The following CNTNAP2 variants were observed in gnomAD, a reference collection of about 807,000 sequenced individuals.
The protein encoded by CNTNAP2 is contactin associated protein 2, also known as contactin-associated protein-like 2.
CNTNAP2 carries 98 observed loss-of-function variants against 155.2 expected under a neutral mutation model. The ratio of observed to expected loss-of-function variants is 0.63; its 90% CI spans 0.54 to 0.75. The LOEUF (loss-of-function observed/expected upper bound fraction) is 0.75, where lower values mean the gene tolerates loss of function less well. CNTNAP2 is among the 30% of genes least tolerant of loss of function. CNTNAP2 has a pLI of 0.00. For synonymous variants in CNTNAP2, 651 were observed against 631.2 expected, an observed-to-expected ratio of 1.03 and a Z score of -0.47; for missense variants, 1,727 against 1,688.1, an observed-to-expected ratio of 1.02 and a Z score of -0.40.
intron 1 of CNTNAP2, among the ~76,000 whole-genome samples, chr7:146,194,274 T>C (rs111954386): frequency 5.3e-5 from 8 of 152,310 alleles, no homozygotes; most frequent in African/African-American, 1.9e-4. Context: ...AAAAAAGACA[T>C]ACCTGAGACT....
chr7:147,393,870 C>T (rs1002280849), intron 9 of CNTNAP2, among the ~76,000 whole-genome samples: 5 of 151,726 alleles, frequency 3.3e-5, no homozygotes, highest in Non-Finnish European at 5.9e-5. Context: ...TGTGATTAAT[C>T]CTTATAGGAG....
chr7:146,748,458 GT>G (rs1429174982), intron 1 of CNTNAP2, among the ~76,000 whole-genome samples: 1 of 151,916 alleles, frequency 6.6e-6, no homozygotes, highest in East Asian at 1.9e-4. Context: ...AATCTATATG[GT>G]TTTTAAGGAT....
intron 3 of CNTNAP2, among the ~76,000 whole-genome samples, chr7:146,973,559 T>A (rs1251569860): frequency 6.6e-6 from 1 of 152,218 alleles, no homozygotes; most frequent in Non-Finnish European, 1.5e-5. Flanking sequence ...ACCATTAGGA[T>A]AATAAACCTA....
chr7:146,151,679 T>TATATATATAC (rs1798050193), intron 1 of CNTNAP2, among the ~76,000 whole-genome samples: 1 of 33,172 alleles, frequency 3.0e-5, no homozygotes, highest in Non-Finnish European at 5.9e-5. Flanking sequence ...TATATATATA[T>TATATATATAC]ATGTATATAT....
chr7:146,516,044 A>T (rs1378354643), intron 1 of CNTNAP2, among the ~76,000 whole-genome samples: 1 of 151,986 alleles, frequency 6.6e-6, no homozygotes, highest in African/African-American at 2.4e-5. Flanking sequence ...TCTTAACACC[A>T]CATTTTTTTT....
At chr7:146,367,453 A>G (rs909334955) in intron 1 of CNTNAP2, among the ~76,000 whole-genome samples, 5 of 152,180 alleles carry the variant, frequency 3.3e-5, no homozygotes, top group African/African-American at 1.2e-4. Flanking sequence ...AAAGCTGTAC[A>G]TAATACTACT....
chr7:147,560,647 G>A (rs759040873), intron 11 of CNTNAP2, among the ~76,000 whole-genome samples: 2 of 151,940 alleles, frequency 1.3e-5, no homozygotes, highest in African/African-American at 2.4e-5. Flanking sequence ...ACACGGTTTC[G>A]AAGGTCTTCT....
chr7:147,154,857 C>G (rs536908445), intron 8 of CNTNAP2, among the ~76,000 whole-genome samples: 1 of 151,010 alleles, frequency 6.6e-6, no homozygotes, highest in South Asian at 2.1e-4. Context: ...AAAAAAGAAA[C>G]AAAAACATAT....
chr7:146,655,324 C>G (rs942037570), intron 1 of CNTNAP2, among the ~76,000 whole-genome samples: 7 of 137,010 alleles, frequency 5.1e-5, no homozygotes, highest in African/African-American at 1.9e-4. Context: ...TGAGGCAAGA[C>G]AATCACTTGA....
intron 1 of CNTNAP2, among the ~76,000 whole-genome samples, chr7:146,509,745 C>G (rs1313116760): frequency 6.6e-6 from 1 of 152,086 alleles, no homozygotes; most frequent in Non-Finnish European, 1.5e-5. Context: ...CTGGAGGTCC[C>G]TTACCTGTGC....
chr7:146,315,576 G>C (rs1800892789), intron 1 of CNTNAP2, among the ~76,000 whole-genome samples: 2 of 152,106 alleles, frequency 1.3e-5, no homozygotes, highest in South Asian at 2.1e-4. Context: ...CTATTTACTT[G>C]GTGTGTCTGT....
At chr7:146,989,227 T>G (rs1278011308) in intron 3 of CNTNAP2, among the ~76,000 whole-genome samples, 1 of 151,974 alleles carries the variant, frequency 6.6e-6, no homozygotes, top group Non-Finnish European at 1.5e-5. Flanking sequence ...AAAGAAGGAT[T>G]GGGAAGAGAT....
At chr7:147,916,351 T>C (rs532354324) in intron 14 of CNTNAP2, among the ~76,000 whole-genome samples, 3 of 152,226 alleles carry the variant, frequency 2.0e-5, no homozygotes, top group South Asian at 2.1e-4. Flanking sequence ...AGAAGGGTAA[T>C]TGGGCACCGG....
chr7:147,262,666 C>T (rs1329368689), intron 8 of CNTNAP2, among the ~76,000 whole-genome samples: 3 of 152,084 alleles, frequency 2.0e-5, no homozygotes, highest in Non-Finnish European at 2.9e-5. Context: ...ATTAGCTGGG[C>T]GTGGTGGCGA....
chr7:148,168,339 T>G (rs897718616), intron 17 of CNTNAP2, among the ~76,000 whole-genome samples: 5 of 151,850 alleles, frequency 3.3e-5, no homozygotes, highest in African/African-American at 1.2e-4. Flanking sequence ...TAGACTGGAT[T>G]AAGAAAATGT....
chr7:146,173,251 A>C (rs1798420693), intron 1 of CNTNAP2, among the ~76,000 whole-genome samples: 1 of 152,166 alleles, frequency 6.6e-6, no homozygotes, highest in African/African-American at 2.4e-5. Flanking sequence ...GAGTAAATTT[A>C]CATTTTTATC....
At chr7:147,664,091 T>C (rs754350019) in intron 13 of CNTNAP2, among the ~76,000 whole-genome samples, 26 of 152,238 alleles carry the variant, frequency 1.7e-4, no homozygotes, top group Non-Finnish European at 3.5e-4. Flanking sequence ...TATTTTGTTA[T>C]GGCTTCCATC....
intron 13 of CNTNAP2, among the ~76,000 whole-genome samples, chr7:147,853,370 A>C (rs1337609757): frequency 6.6e-6 from 1 of 152,230 alleles, no homozygotes; most frequent in Non-Finnish European, 1.5e-5. Flanking sequence ...TAAAGCATAG[A>C]GACAACCCAT....
At chr7:146,795,525 T>C (rs1290220271) in intron 2 of CNTNAP2, among the ~76,000 whole-genome samples, 3 of 152,216 alleles carry the variant, frequency 2.0e-5, no homozygotes, top group Non-Finnish European at 4.4e-5. Context: ...TCATGGAATG[T>C]AACCTTGGCT....
Sources: allele counts gnomAD v4.1 joint callset (sites outside exome capture counted in the v4.1 genomes callset), GRCh38; gene constraint gnomAD v4.1.1; transcripts MANE v1.5; gene names NCBI Gene and HGNC (gene_info 2026-07-23, HGNC 2026-07-21).